DSCAML1: variants seen among roughly 807,000 people sequenced by gnomAD.
DSCAML1 encodes DS cell adhesion molecule like 1, also known as cell adhesion molecule DSCAML1.
A neutral mutation model predicts 200.5 loss-of-function variants in DSCAML1; 38 were observed. That is an observed-to-expected ratio of 0.19 (90% CI 0.15 to 0.25). The LOEUF (loss-of-function observed/expected upper bound fraction) is 0.25. Among genes scored for constraint, DSCAML1 ranks in the 10% least tolerant of loss-of-function variants. The pLI is 1.00. For missense variants in DSCAML1, 2,223 were observed against 2,858.8 expected (o/e 0.78, Z 5.07); for synonymous variants, 1,215 against 1,165.0 (o/e 1.04, Z -0.87).
intron 3 of DSCAML1, among the ~76,000 whole-genome samples, chr11:117,758,299 CAA>C (rs376046918): frequency 3.9e-5 from 5 of 127,894 alleles, no homozygotes; most frequent in South Asian, 2.6e-4. Context: ...GACTCCATCT[CAA>C]AAAAAAAAAA....
intron 3 of DSCAML1, among the ~76,000 whole-genome samples, chr11:117,534,558 G>A (rs759730970): frequency 6.6e-6 from 1 of 152,206 alleles, no homozygotes. Context: ...CTGGAAGGCA[G>A]CTGTGATGCC....
rs188504771 is a variant in DSCAML1, at chr11:117,663,527, T to C, written c.511+113264A>G. On this transcript the variant is annotated intron_variant, in intron 3 of 32. Coordinates refer to ENST00000651296, the MANE Select transcript of DSCAML1 (RefSeq NM_020693.4). ...CCATGGAGATACAGGAGGCTCTCCA[T>C]GGTACTTCCTGCCCCTCTCCCACTG... Among the ~76,000 whole-genome samples, 3 of 152,018 alleles carry C rather than the reference T, an allele frequency of 2.0e-5. No homozygotes were observed. The East Asian group carries it at 5.9e-4, about 30-fold the overall frequency.
At chr11:117,772,863 G>A (rs1318900996) in intron 3 of DSCAML1, among the ~76,000 whole-genome samples, 2 of 152,188 alleles carry the variant, frequency 1.3e-5, no homozygotes, top group Non-Finnish European at 2.9e-5. Flanking sequence ...GAGAAGCAAG[G>A]GTGGGAGTCT....
At chr11:117,450,496 G>T in intron 20 of DSCAML1, 53 bp downstream of exon 20, 1 of 1,590,358 alleles carries the variant, frequency 6.3e-7, no homozygotes, top group Non-Finnish European at 8.6e-7. Context: ...GATGTACAAG[G>T]TCCCTTTTCT....
At chr11:117,460,869 G>C (rs1306122265) in intron 18 of DSCAML1, among the ~76,000 whole-genome samples, 2 of 152,060 alleles carry the variant, frequency 1.3e-5, no homozygotes, top group Non-Finnish European at 2.9e-5. Context: ...GCCAAGGGAG[G>C]CTCTCCCTGG....
At chr11:117,440,055 C>T (rs1319800557) in intron 21 of DSCAML1, 119 bp from the exon 22 acceptor site, 1 of 845,078 alleles carries the variant, frequency 1.2e-6, no homozygotes, top group African/African-American at 1.7e-5. Flanking sequence ...CTGACCTCCA[C>T]CTTGGGCTTT....
chr11:117,539,474 G>C (rs1339002878), intron 3 of DSCAML1, among the ~76,000 whole-genome samples: 3 of 151,846 alleles, frequency 2.0e-5, no homozygotes, highest in African/African-American at 7.3e-5. Flanking sequence ...CGGGCCTGGT[G>C]GTGGGTGCCT....
chr11:117,733,218 G>C (rs1408970515), intron 3 of DSCAML1, among the ~76,000 whole-genome samples: 5 of 152,118 alleles, frequency 3.3e-5, no homozygotes, highest in Non-Finnish European at 7.4e-5. Context: ...GATCTGCTCT[G>C]TTTTGTGAAC....
chr11:117,627,327 C>T (rs1244331418), intron 3 of DSCAML1, among the ~76,000 whole-genome samples: 1 of 152,130 alleles, frequency 6.6e-6, no homozygotes, highest in African/African-American at 2.4e-5. Flanking sequence ...TTCAAAAGCT[C>T]CTTCCTCACC....
intron 3 of DSCAML1, among the ~76,000 whole-genome samples, chr11:117,753,000 A>T (rs1056057998): frequency 1.3e-5 from 2 of 152,252 alleles, no homozygotes; most frequent in Non-Finnish European, 2.9e-5. Flanking sequence ...GGGTGGGAGC[A>T]CGGGAGTGGT....
intron 1 of DSCAML1, among the ~76,000 whole-genome samples, chr11:117,793,196 C>A (rs891889213): frequency 6.6e-6 from 1 of 152,134 alleles, no homozygotes; most frequent in Non-Finnish European, 1.5e-5. Flanking sequence ...GTTCCTGGCA[C>A]CCTGCCATCG....
At position 117,634,899 on chromosome 11, in the gene DSCAML1, C is replaced by T. The variant is rs559110147; in HGVS notation, c.512-102377G>A. On this transcript the variant is annotated intron_variant, in intron 3 of 32. Coordinates refer to ENST00000651296, the MANE Select transcript of DSCAML1 (RefSeq NM_020693.4). ...TCTGGTGGCTTTCAAGAGCCAAAGC[C>T]TCTGGCAGTAAATGGGCCTTGACAT... is the stretch of plus-strand genomic sequence containing the variant. Among the ~76,000 whole-genome samples the T allele has an allele frequency of 9.5e-4, 144 of 152,334 alleles. 1 individual carries two copies. Among genetic ancestry groups the T allele is most frequent in the Non-Finnish European group, 1.9e-3 (128 of 68,028 alleles).
At chr11:117,594,769 A>G (rs953369064) in intron 3 of DSCAML1, among the ~76,000 whole-genome samples, 1 of 152,092 alleles carries the variant, frequency 6.6e-6, no homozygotes, top group African/African-American at 2.4e-5. Flanking sequence ...CTTTAGTCCT[A>G]TGTGGTTGGA....
chr11:117,739,257 C>T (rs1358694183), intron 3 of DSCAML1, among the ~76,000 whole-genome samples: 1 of 152,128 alleles, frequency 6.6e-6, no homozygotes, highest in African/African-American at 2.4e-5. Context: ...TGAAAGATTT[C>T]CTAGGATGGT....
rs560705294 is a variant in DSCAML1 at position 117,550,527 on chromosome 11, C to G, written c.512-18005G>C. Reference sequence around the variant, plus strand: ...GCTTTCAGGGTGTTACAAACATTATCTGAGAAATTTAGGTAACGGTTTCAC... The same window carrying G: ...GCTTTCAGGGTGTTACAAACATTATGTGAGAAATTTAGGTAACGGTTTCAC... On this transcript the variant is annotated intron_variant, in intron 3 of 32. Coordinates refer to ENST00000651296, the MANE Select transcript of DSCAML1 (RefSeq NM_020693.4). Among the ~76,000 whole-genome samples, 261 of 152,328 alleles carry G rather than the reference C, an allele frequency of 1.7e-3. 1 individual carries two copies. Among genetic ancestry groups the G allele is most frequent in the South Asian group, 7.1e-3 (34 of 4,822 alleles).
chr11:117,560,096 C>T (rs1332498361), intron 3 of DSCAML1, among the ~76,000 whole-genome samples: 2 of 151,806 alleles, frequency 1.3e-5, no homozygotes, highest in Non-Finnish European at 2.9e-5. Context: ...TGGGCTTCTC[C>T]CTTGAAAGAA....
At chr11:117,751,716 G>GA (rs954970545) in intron 3 of DSCAML1, among the ~76,000 whole-genome samples, 1 of 152,064 alleles carries the variant, frequency 6.6e-6, no homozygotes, top group Non-Finnish European at 1.5e-5. Flanking sequence ...CCACCTGGGG[G>GA]AAAAAATGGA....
At chr11:117,570,522 A>C (rs2050830811) in intron 3 of DSCAML1, among the ~76,000 whole-genome samples, 1 of 152,134 alleles carries the variant, frequency 6.6e-6, no homozygotes, top group East Asian at 1.9e-4. Context: ...TGTGTGTCTT[A>C]TTCACCACTT....
chr11:117,477,368 GTGTGTGTGTGTGTGTGTGTGTGTA>G (rs1592638820), intron 14 of DSCAML1, among the ~76,000 whole-genome samples: 1 of 145,900 alleles, frequency 6.9e-6, no homozygotes, highest in Non-Finnish European at 1.5e-5. Flanking sequence ...GTGTGTGTGT[GTGTGTGTGTGTGTGTGTGTGTGTA>G]TGTGTGTGTG....
Sources: allele counts gnomAD v4.1 joint callset (sites outside exome capture counted in the v4.1 genomes callset), GRCh38; gene constraint gnomAD v4.1.1; transcripts MANE v1.5; gene names NCBI Gene and HGNC (gene_info 2026-07-23, HGNC 2026-07-21).